The following IMMP2L variants were observed in gnomAD, a reference collection of about 807,000 sequenced individuals.
The protein encoded by IMMP2L is inner mitochondrial membrane peptidase subunit 2, also known as mitochondrial inner membrane protease subunit 2.
A neutral mutation model predicts 19.3 loss-of-function variants in IMMP2L; 18 were observed. The observed-to-expected ratio is 0.93, with a 90% CI of 0.64 to 1.38. The LOEUF (loss-of-function observed/expected upper bound fraction) is 1.38. IMMP2L is among the 40% of genes most tolerant of loss of function. The pLI is 0.00. For missense variants in IMMP2L, 233 were observed against 218.2 expected (o/e 1.07, Z -0.43); for synonymous variants, 76 against 73.0 (o/e 1.04, Z -0.21).
intron 3 of IMMP2L, among the ~76,000 whole-genome samples, chr7:111,328,129 C>A (rs957163673): frequency 6.6e-6 from 1 of 151,654 alleles, no homozygotes; most frequent in Non-Finnish European, 1.5e-5. Flanking sequence ...AGAACTTGTA[C>A]GATTTTTGAA....
intron 3 of IMMP2L, among the ~76,000 whole-genome samples, chr7:111,069,718 G>A (rs1032513323): frequency 2.0e-5 from 3 of 152,078 alleles, no homozygotes; most frequent in Non-Finnish European, 2.9e-5. Context: ...ACATGAGGAG[G>A]CGAGATGGGG....
In IMMP2L at chr7:111,384,458, CTCCAAGTCA is replaced by C. The variant is rs1175567201; in HGVS notation, c.239+102771_239+102779del. Among the ~76,000 whole-genome samples the C allele has an allele frequency of 2.6e-5, 4 of 152,222 alleles. No homozygotes were observed. In the South Asian group the frequency reaches 6.2e-4, roughly 24 times the overall value. On this transcript the variant is annotated intron_variant, in intron 3 of 5. Coordinates refer to ENST00000405709, the MANE Select transcript of IMMP2L (RefSeq NM_032549.4). ...AGTACATTGTCAAGGTTGGTCCCCACTCCAAGTCACAATTCATTCCTACTTCTCCCAAAC... is the reference window on the plus strand; with the variant it reads ...AGTACATTGTCAAGGTTGGTCCCCACCAATTCATTCCTACTTCTCCCAAAC...
chr7:111,329,543 C>T (rs1825667958), intron 3 of IMMP2L, among the ~76,000 whole-genome samples: 1 of 151,634 alleles, frequency 6.6e-6, no homozygotes, highest in Admixed American at 6.6e-5. Flanking sequence ...GCCCTTGGCC[C>T]TATATATACT....
intron 3 of IMMP2L, among the ~76,000 whole-genome samples, chr7:111,062,452 TG>T (rs1305708717): frequency 3.9e-5 from 6 of 152,140 alleles, no homozygotes; most frequent in African/African-American, 1.4e-4. Context: ...CAGAGCCAAC[TG>T]TATTGTTCTG....
intron 5 of IMMP2L, among the ~76,000 whole-genome samples, chr7:110,864,379 G>A (rs918449540): frequency 5.9e-5 from 9 of 151,994 alleles, no homozygotes; most frequent in Non-Finnish European, 1.0e-4. Flanking sequence ...AATATACACA[G>A]GGACACACAA....
At chr7:110,793,784 T>C (rs1800643794) in intron 5 of IMMP2L, among the ~76,000 whole-genome samples, 1 of 152,076 alleles carries the variant, frequency 6.6e-6, no homozygotes. Flanking sequence ...GAGATGGATA[T>C]GTTAATTAGT....
intron 3 of IMMP2L, among the ~76,000 whole-genome samples, chr7:111,342,701 A>G (rs1433809277): frequency 6.6e-6 from 1 of 152,086 alleles, no homozygotes; most frequent in Non-Finnish European, 1.5e-5. Flanking sequence ...TTACGCAAAT[A>G]TAATTATATA....
intron 5 of IMMP2L, among the ~76,000 whole-genome samples, chr7:110,861,098 TGA>T (rs5886583): frequency 0.091 from 12,793 of 140,114 alleles, 986 homozygotes; most frequent in African/African-American, 0.22. Context: ...TGTGTGTGTG[TGA>T]GAGAGAGAGA....
chr7:110,804,713 C>G (rs1006443783), intron 5 of IMMP2L, among the ~76,000 whole-genome samples: 1 of 152,108 alleles, frequency 6.6e-6, no homozygotes, highest in East Asian at 1.9e-4. Context: ...CAGCTTTCCC[C>G]GGACTTCCTC....
intron 3 of IMMP2L, among the ~76,000 whole-genome samples, chr7:111,268,276 C>A (rs939293747): frequency 6.6e-5 from 10 of 151,866 alleles, no homozygotes; most frequent in African/African-American, 1.7e-4. Context: ...TGTGTGAAGT[C>A]TCACAGGGTG....
intron 3 of IMMP2L, among the ~76,000 whole-genome samples, chr7:111,096,341 T>C (rs1797393085): frequency 6.6e-6 from 1 of 151,804 alleles, no homozygotes; most frequent in African/African-American, 2.4e-5. Context: ...TTTCTGAAGT[T>C]AGTAATAAAT....
At chr7:111,183,151 C>T (rs909233993) in intron 3 of IMMP2L, among the ~76,000 whole-genome samples, 1 of 151,954 alleles carries the variant, frequency 6.6e-6, no homozygotes, top group Non-Finnish European at 1.5e-5. Context: ...CCCCATGATG[C>T]CTGCAAACTG....
chr7:111,147,380 T>C (rs770376938), intron 3 of IMMP2L, among the ~76,000 whole-genome samples: 10 of 152,128 alleles, frequency 6.6e-5, no homozygotes, highest in Non-Finnish European at 1.3e-4. Flanking sequence ...ATTCTTTATC[T>C]TTCCCAACGG....
At chr7:111,222,575 A>C (rs1235153671) in intron 3 of IMMP2L, among the ~76,000 whole-genome samples, 1 of 152,026 alleles carries the variant, frequency 6.6e-6, no homozygotes, top group East Asian at 1.9e-4. Context: ...AAAGATGTTC[A>C]GCCTCAGTAG....
chr7:110,933,816 C>T (rs537401869), intron 4 of IMMP2L, among the ~76,000 whole-genome samples: 13 of 152,174 alleles, frequency 8.5e-5, no homozygotes, highest in Middle Eastern at 6.8e-3. Context: ...TGAAAACAAA[C>T]ACAGAAAAAG....
At chr7:111,173,964 T>C (rs1806742807) in intron 3 of IMMP2L, among the ~76,000 whole-genome samples, 1 of 151,734 alleles carries the variant, frequency 6.6e-6, no homozygotes, top group Non-Finnish European at 1.5e-5. Flanking sequence ...ACTGAGTTTC[T>C]CTTTCAAAGG....
At chr7:111,214,760 G>C (rs186580513) in intron 3 of IMMP2L, among the ~76,000 whole-genome samples, 6 of 150,540 alleles carry the variant, frequency 4.0e-5, no homozygotes, top group East Asian at 3.9e-4. Flanking sequence ...ATACTGTGTA[G>C]ATTATCCAGA....
intron 5 of IMMP2L, among the ~76,000 whole-genome samples, chr7:110,842,579 G>C (rs542452523): frequency 3.9e-5 from 6 of 152,280 alleles, no homozygotes; most frequent in East Asian, 1.9e-4. Flanking sequence ...TTAACCTTTG[G>C]GGGAGGCAGA....
chr7:110,976,705 C>A (rs1212871616), intron 3 of IMMP2L, among the ~76,000 whole-genome samples: 1 of 152,016 alleles, frequency 6.6e-6, no homozygotes, highest in South Asian at 2.1e-4. Flanking sequence ...TTTGAACAAG[C>A]ACCTAGGTGA....
Sources: allele counts gnomAD v4.1 joint callset (sites outside exome capture counted in the v4.1 genomes callset), GRCh38; gene constraint gnomAD v4.1.1; transcripts MANE v1.5; gene names NCBI Gene and HGNC (gene_info 2026-07-23, HGNC 2026-07-21).